Variants in CLIC6 observed in about 807,000 individuals in gnomAD.
The protein encoded by CLIC6 is CLIC family member 6.
Under a neutral mutation model 49.2 loss-of-function variants are expected in CLIC6, and 39 were observed. That is an observed-to-expected ratio of 0.79 (90% CI 0.61 to 1.04). CLIC6 has a LOEUF of 1.04. CLIC6 is among the 50% of genes least tolerant of loss of function. The pLI is 0.00. For missense variants in CLIC6, 988 were observed against 993.1 expected, an observed-to-expected ratio of 0.99 and a Z score of 0.07; for synonymous variants, 446 against 433.4, an observed-to-expected ratio of 1.03 and a Z score of -0.36.
intron 1 of CLIC6, among the ~76,000 whole-genome samples, chr21:34,693,977 T>TTC (rs1212415209): frequency 5.2e-5 from 7 of 134,692 alleles, no homozygotes; most frequent in African/African-American, 1.9e-4. Flanking sequence ...GTTGTTTTCT[T>TTC]TTTTTTTTTT....
At chr21:34,687,818 T>C (rs1297340986) in intron 1 of CLIC6, among the ~76,000 whole-genome samples, 1 of 152,234 alleles carries the variant, frequency 6.6e-6, no homozygotes, top group African/African-American at 2.4e-5. Flanking sequence ...ATATATTTCT[T>C]AGCATCTAAA....
intron 1 of CLIC6, among the ~76,000 whole-genome samples, chr21:34,703,085 C>T (rs753982625): frequency 2.6e-5 from 4 of 152,158 alleles, no homozygotes; most frequent in Non-Finnish European, 4.4e-5. Context: ...CTCCACCAGA[C>T]GCCATGTCTT....
chr21:34,697,301 G>A (rs777903985), intron 1 of CLIC6, among the ~76,000 whole-genome samples: 2 of 152,126 alleles, frequency 1.3e-5, no homozygotes, highest in African/African-American at 2.4e-5. Context: ...GGGAAAGGCC[G>A]TCCCTGTATT....
At chr21:34,670,986 G>A (rs1989554310) in intron 1 of CLIC6, among the ~76,000 whole-genome samples, 1 of 151,944 alleles carries the variant, frequency 6.6e-6, no homozygotes, top group African/African-American at 2.4e-5. Flanking sequence ...AGACTTTGGG[G>A]GTGGGGGCGA....
intron 1 of CLIC6, among the ~76,000 whole-genome samples, chr21:34,690,589 G>A (rs867654817): frequency 5.9e-5 from 9 of 152,186 alleles, no homozygotes; most frequent in Admixed American, 1.3e-4. Context: ...ATCTGCAGGT[G>A]GCAGATGAAG....
rs768672312 is a variant in CLIC6 at position 34,669,619 on chromosome 21, G to A, written c.231G>A (p.Arg77=). The A allele has an allele frequency of 2.9e-5, 37 of 1,279,496 alleles. No homozygotes were observed. The highest frequency in any genetic ancestry group is 3.4e-5 in the Non-Finnish European group (35 of 1,016,244). 79.3% of individuals were successfully genotyped at this position (1,279,496 alleles called of 1,614,324 possible). The change falls in exon 1 of 6, where the codon AGG becomes AGA. Residue 77 remains arginine (R), a synonymous_variant. Coordinates refer to ENST00000349499, the MANE Select transcript of CLIC6 (RefSeq NM_053277.3). Reference sequence around the variant, plus strand: ...CGGAGGCCGAGGCGCGGGGCACGAGGGGGGCGCACGGCGAGACTGAGGCCG... The same window carrying A: ...CGGAGGCCGAGGCGCGGGGCACGAGAGGGGCGCACGGCGAGACTGAGGCCG... ...RGPEAEARGT[R]GAHGETEAEE...
intron 3 of CLIC6, 57 bp from the exon 4 acceptor site, chr21:34,708,643 T>C: frequency 1.7e-6 from 2 of 1,180,226 alleles, no homozygotes; most frequent in Non-Finnish European, 1.3e-6. Context: ...CATTGTATAG[T>C]ATTATCTTCA....
intron 1 of CLIC6, among the ~76,000 whole-genome samples, chr21:34,684,339 A>G (rs1231366512): frequency 6.6e-6 from 1 of 152,198 alleles, no homozygotes; most frequent in Admixed American, 6.5e-5. Context: ...TGGGAAGAGC[A>G]GGCTGGCAGG....
At chr21:34,688,342 G>A (rs1281506046) in intron 1 of CLIC6, among the ~76,000 whole-genome samples, 3 of 152,104 alleles carry the variant, frequency 2.0e-5, no homozygotes, top group Admixed American at 1.3e-4. Context: ...TGCTGTCCTC[G>A]CTGTCTATTT....
At chr21:34,706,520 G>A (rs188951524) in intron 1 of CLIC6, among the ~76,000 whole-genome samples, 57 of 152,162 alleles carry the variant, frequency 3.7e-4, no homozygotes, top group South Asian at 6.2e-4. Context: ...ACATACACCC[G>A]TGTAGCCACC....
intron 1 of CLIC6, among the ~76,000 whole-genome samples, chr21:34,701,456 A>T (rs1173713582): frequency 1.9e-4 from 29 of 152,106 alleles, no homozygotes; most frequent in Admixed American, 1.9e-3. Flanking sequence ...AAGAGTAATG[A>T]TGATGATGTT....
chr21:34,676,257 A>G (rs940106501), intron 1 of CLIC6, among the ~76,000 whole-genome samples: 7 of 146,132 alleles, frequency 4.8e-5, no homozygotes, highest in Non-Finnish European at 9.0e-5. Context: ...AAGTGGAAGG[A>G]GTATGTAAAA....
chr21:34,698,947 T>A (rs538105459), intron 1 of CLIC6, among the ~76,000 whole-genome samples: 14 of 152,110 alleles, frequency 9.2e-5, no homozygotes, highest in African/African-American at 3.4e-4. Flanking sequence ...AGACTGATGA[T>A]CAGGTAAAGG....
chr21:34,707,640 C>G (rs2056024896), intron 2 of CLIC6, among the ~76,000 whole-genome samples: 1 of 152,182 alleles, frequency 6.6e-6, no homozygotes, highest in Admixed American at 6.5e-5. Flanking sequence ...TCAGCTGTGA[C>G]TCTCCCAAGC....
intron 1 of CLIC6, among the ~76,000 whole-genome samples, chr21:34,696,431 A>G (rs1019358120): frequency 2.2e-4 from 34 of 152,016 alleles, no homozygotes; most frequent in African/African-American, 7.3e-4. Flanking sequence ...AAACAAGCCA[A>G]CTCCCATCAC....
chr21:34,681,294 TG>T (rs1989776543), intron 1 of CLIC6, among the ~76,000 whole-genome samples: 1 of 152,160 alleles, frequency 6.6e-6, no homozygotes, highest in Admixed American at 6.5e-5. Flanking sequence ...AAGAACAGCA[TG>T]GGGGAAACTG....
At chr21:34,681,344 T>G (rs2154444) in intron 1 of CLIC6, among the ~76,000 whole-genome samples, 123,440 of 152,216 alleles carry the variant, frequency 0.81, 50,334 homozygotes, top group African/African-American at 0.89. Flanking sequence ...TCCTGCCCTT[T>G]ACACATGGTG....
chr21:34,715,210 G>A (rs982121690), intron 5 of CLIC6, among the ~76,000 whole-genome samples: 1 of 152,188 alleles, frequency 6.6e-6, no homozygotes, highest in African/African-American at 2.4e-5. Context: ...CTCCACTTCA[G>A]GTTGAATTGT....
intron 1 of CLIC6, among the ~76,000 whole-genome samples, chr21:34,674,733 ACT>A (rs949647367): frequency 2.0e-5 from 3 of 152,160 alleles, no homozygotes; most frequent in Non-Finnish European, 4.4e-5. Context: ...TTATAGGGTA[ACT>A]CTGCAATATA....
Sources: gnomAD v4.1 joint callset for allele counts (sites outside exome capture counted in the v4.1 genomes callset) on GRCh38, gnomAD v4.1.1 for gene constraint, MANE v1.5 for transcripts, NCBI Gene and HGNC (gene_info 2026-07-23, HGNC 2026-07-21) for gene names.